Variants in COMMD10 observed in about 807,000 individuals in gnomAD.
The protein encoded by COMMD10 is COMM domain-containing protein 10.
A neutral mutation model predicts 28.9 loss-of-function variants in COMMD10; 33 were observed. That is an observed-to-expected ratio of 1.14 (90% CI 0.87 to 1.53). The LOEUF (loss-of-function observed/expected upper bound fraction) is 1.53, where lower values mean the gene tolerates loss of function less well. COMMD10 is among the 40% of genes most tolerant of loss of function. The pLI, the probability that COMMD10 is intolerant of heterozygous loss-of-function variation, is 0.00. For missense variants in COMMD10, 310 were observed against 233.4 expected (o/e 1.33, Z -2.14); for synonymous variants, 110 against 81.7 (o/e 1.35, Z -1.87).
intron 5 of COMMD10, among the ~76,000 whole-genome samples, chr5:116,185,515 C>A (rs1748108649): frequency 6.6e-6 from 1 of 151,804 alleles, no homozygotes; most frequent in South Asian, 2.1e-4. Context: ...ACCCTGCTTT[C>A]TCCTTGGCGT....
intron 2 of COMMD10, among the ~76,000 whole-genome samples, chr5:116,089,880 A>G (rs1361756679): frequency 6.6e-6 from 1 of 152,110 alleles, no homozygotes; most frequent in Non-Finnish European, 1.5e-5. Context: ...TCCTATTTTG[A>G]TAAGGGCTTT....
intron 5 of COMMD10, among the ~76,000 whole-genome samples, chr5:116,200,046 C>T (rs536851269): frequency 6.6e-6 from 1 of 152,206 alleles, no homozygotes; most frequent in Non-Finnish European, 1.5e-5. Context: ...TTGATACAGG[C>T]ATACAATGTG....
intron 5 of COMMD10, among the ~76,000 whole-genome samples, chr5:116,260,931 A>G (rs1241609660): frequency 6.6e-6 from 1 of 151,918 alleles, no homozygotes; most frequent in Non-Finnish European, 1.5e-5. Context: ...GTGAAGCAAC[A>G]TGTTCTCTTT....
chr5:116,131,153 T>C (rs1459157096), intron 4 of COMMD10, among the ~76,000 whole-genome samples: 1 of 151,904 alleles, frequency 6.6e-6, no homozygotes, highest in African/African-American at 2.4e-5. Flanking sequence ...TACAACTTAG[T>C]GAGGCAGGTC....
At chr5:116,146,098 G>T (rs947800239) in intron 5 of COMMD10, among the ~76,000 whole-genome samples, 1 of 151,866 alleles carries the variant, frequency 6.6e-6, no homozygotes, top group Non-Finnish European at 1.5e-5. Context: ...TTGACCTGGT[G>T]TACAGTTTAT....
chr5:116,096,695 C>G (rs1352664758), intron 4 of COMMD10, among the ~76,000 whole-genome samples: 1 of 152,200 alleles, frequency 6.6e-6, no homozygotes, highest in East Asian at 1.9e-4. Context: ...AGGCTCTTAT[C>G]ATTAAGTAGG....
intron 5 of COMMD10, among the ~76,000 whole-genome samples, chr5:116,284,750 T>A (rs1390649203): frequency 6.6e-6 from 1 of 151,870 alleles, no homozygotes; most frequent in Non-Finnish European, 1.5e-5. Flanking sequence ...ATTTTCTCTT[T>A]TTCTTCCCTT....
At position 116,085,109 on chromosome 5, in the gene COMMD10, A is replaced by T; in HGVS notation, c.41+16A>T. On this transcript the variant is annotated intron_variant, in intron 1 of 6. Coordinates refer to ENST00000274458, the MANE Select transcript of COMMD10 (RefSeq NM_016144.4). ...AGAGCCCCAGGTAGCTGATCCGTTA[A>T]GCTCTTGCGGTAGCCGCGCCCAGGA... is the stretch of plus-strand genomic sequence containing the variant. 6.2e-7 allele frequency: 1 copy of T among 1,606,732 alleles called. No homozygotes were observed. Among genetic ancestry groups the T allele is most frequent in the Non-Finnish European group, 8.5e-7 (1 of 1,177,638 alleles).
Position 116,244,646 on chromosome 5 carries a change from GA to G in COMMD10, c.511-46861del, listed in dbSNP as rs1188979503. Among the ~76,000 whole-genome samples the G allele has an allele frequency of 4.6e-4, 17 of 37,038 alleles. No individual in the cohort carries two copies. In the East Asian group the frequency reaches 4.9e-3, roughly 11 times the overall value. 24.3% of individuals were successfully genotyped at this position (37,038 alleles called of 152,430 possible). On this transcript the variant is annotated intron_variant, in intron 5 of 6. Transcript: ENST00000274458. ...ATACCATTACCACTTAACAAGTAAG[GA>G]AAAAAAAAATTACAAAAAAAAAAAA...
chr5:116,182,364 AAATT>A (rs1482128924), intron 5 of COMMD10, among the ~76,000 whole-genome samples: 1 of 152,038 alleles, frequency 6.6e-6, no homozygotes, highest in Non-Finnish European at 1.5e-5. Context: ...CGATTTATGT[AAATT>A]AATTAATGGT....
intron 5 of COMMD10, among the ~76,000 whole-genome samples, chr5:116,263,101 T>A (rs1325255549): frequency 6.6e-6 from 1 of 151,876 alleles, no homozygotes; most frequent in African/African-American, 2.4e-5. Context: ...GTAGAAGTTC[T>A]TCACGAATAT....
chr5:116,203,611 C>T (rs1392356931), intron 5 of COMMD10, among the ~76,000 whole-genome samples: 1 of 152,028 alleles, frequency 6.6e-6, no homozygotes, highest in Admixed American at 6.6e-5. Context: ...AAAGAATTTT[C>T]AACCCAGAAT....
At chr5:116,289,527 C>T (rs769510624) in intron 5 of COMMD10, among the ~76,000 whole-genome samples, 1 of 151,720 alleles carries the variant, frequency 6.6e-6, no homozygotes, top group African/African-American at 2.4e-5. Context: ...TTTTCAGTGC[C>T]TTCCAAACGC....
At chr5:116,192,603 C>T (rs964064425) in intron 5 of COMMD10, among the ~76,000 whole-genome samples, 1 of 151,968 alleles carries the variant, frequency 6.6e-6, no homozygotes, top group Non-Finnish European at 1.5e-5. Context: ...TCAAATTAAT[C>T]CAATCCAACA....
At chr5:116,105,012 A>T (rs1450326323) in intron 4 of COMMD10, among the ~76,000 whole-genome samples, 1 of 152,164 alleles carries the variant, frequency 6.6e-6, no homozygotes, top group African/African-American at 2.4e-5. Flanking sequence ...GAGTGGTGAG[A>T]GAGGGCATCC....
chr5:116,158,091 A>G (rs546475019), intron 5 of COMMD10, among the ~76,000 whole-genome samples: 130 of 149,114 alleles, frequency 8.7e-4, no homozygotes, highest in South Asian at 5.3e-3. Context: ...AAGGCCTTCA[A>G]GCAGATGCCT....
chr5:116,119,095 G>T (rs1177950295), intron 4 of COMMD10, among the ~76,000 whole-genome samples: 2 of 151,914 alleles, frequency 1.3e-5, no homozygotes, highest in African/African-American at 4.8e-5. Flanking sequence ...TATATTCTTG[G>T]TATGCAGAGG....
chr5:116,110,470 A>T (rs1272170824), intron 4 of COMMD10, among the ~76,000 whole-genome samples: 1 of 152,188 alleles, frequency 6.6e-6, no homozygotes, highest in African/African-American at 2.4e-5. Context: ...GTTTGGCAGA[A>T]TTCAGCTGTG....
intron 5 of COMMD10, among the ~76,000 whole-genome samples, chr5:116,185,587 T>C (rs1163147096): frequency 6.6e-6 from 1 of 152,096 alleles, no homozygotes; most frequent in African/African-American, 2.4e-5. Flanking sequence ...TTCCATTCTG[T>C]CTTATTGCAT....
Sources: allele counts gnomAD v4.1 joint callset (sites outside exome capture counted in the v4.1 genomes callset), GRCh38; gene constraint gnomAD v4.1.1; transcripts MANE v1.5; gene names NCBI Gene and HGNC (gene_info 2026-07-23, HGNC 2026-07-21).